ARL6IP5: variants seen among roughly 807,000 people sequenced by gnomAD.
The protein encoded by ARL6IP5 is ARF like GTPase 6 interacting protein 5.
A neutral mutation model predicts 13.0 loss-of-function variants in ARL6IP5; 6 were observed. The ratio of observed to expected loss-of-function variants is 0.46; its 90% CI spans 0.25 to 0.91. The LOEUF (loss-of-function observed/expected upper bound fraction) is 0.91. ARL6IP5 is among the 40% of genes least tolerant of loss of function. ARL6IP5 has a pLI of 0.17. For synonymous variants in ARL6IP5, 91 were observed against 91.9 expected (o/e 0.99, Z 0.06); for missense variants, 208 against 248.8 (o/e 0.84, Z 1.10).
intron 2 of ARL6IP5, among the ~76,000 whole-genome samples, chr3:69,104,209 G>A (rs539318223): frequency 1.3e-5 from 2 of 152,306 alleles, no homozygotes; most frequent in South Asian, 4.1e-4. Flanking sequence ...AGGAAAGGGT[G>A]TGGCTTCCAG....
intron 2 of ARL6IP5, among the ~76,000 whole-genome samples, chr3:69,102,910 A>G (rs1324448813): frequency 6.6e-6 from 1 of 152,222 alleles, no homozygotes; most frequent in Non-Finnish European, 1.5e-5. Flanking sequence ...CTAAGACTCC[A>G]AACACTTGAA....
At chr3:69,093,309 T>C (rs541967384) in intron 1 of ARL6IP5, among the ~76,000 whole-genome samples, 4 of 152,156 alleles carry the variant, frequency 2.6e-5, no homozygotes, top group Non-Finnish European at 4.4e-5. Context: ...ATACAATAAA[T>C]CCTCTAGGCC....
chr3:69,097,339 GT>G lies in ARL6IP5; in HGVS notation c.177-4485del, dbSNP rs201515218. Among the ~76,000 whole-genome samples the G allele has an allele frequency of 2.6e-3, 348 of 133,550 alleles. 1 individual carries two copies. The highest frequency in any genetic ancestry group is 4.9e-3 in the African/African-American group (181 of 36,578). The allele number at this position is 133,550 out of a possible 152,430, so 87.6% of individuals were successfully genotyped here. On this transcript the variant is annotated intron_variant, in intron 1 of 2. Coordinates refer to ENST00000273258, the MANE Select transcript of ARL6IP5 (RefSeq NM_006407.4). The stretch of plus-strand genomic sequence containing the variant: ...CACACCTGGCTAATTTTTGTGGGGT[GT>G]TTTTTTTTTTTTTTGGAGAGATGGG...
intron 1 of ARL6IP5, among the ~76,000 whole-genome samples, chr3:69,097,648 C>T (rs547247900): frequency 3.9e-5 from 6 of 152,170 alleles, no homozygotes; most frequent in East Asian, 1.9e-4. Flanking sequence ...AGACCAATTC[C>T]GGGGTTGTCT....
At chr3:69,090,549 TA>T (rs2092262109) in intron 1 of ARL6IP5, among the ~76,000 whole-genome samples, 1 of 152,188 alleles carries the variant, frequency 6.6e-6, no homozygotes, top group Non-Finnish European at 1.5e-5. Flanking sequence ...CCCTGTACAT[TA>T]TTACTCCAAA....
chr3:69,098,534 C>T (rs956578960), intron 1 of ARL6IP5, among the ~76,000 whole-genome samples: 1 of 152,046 alleles, frequency 6.6e-6, no homozygotes, highest in African/African-American at 2.4e-5. Context: ...CATGAGCCAC[C>T]ATGCCCAGCC....
At chr3:69,099,657 C>T (rs2092299562) in intron 1 of ARL6IP5, among the ~76,000 whole-genome samples, 1 of 152,160 alleles carries the variant, frequency 6.6e-6, no homozygotes, top group South Asian at 2.1e-4. Flanking sequence ...TCATCTCTTC[C>T]ATTTCAGAGA....
At chr3:69,094,891 T>TC (rs905253769) in intron 1 of ARL6IP5, among the ~76,000 whole-genome samples, 2 of 151,800 alleles carry the variant, frequency 1.3e-5, no homozygotes, top group African/African-American at 2.4e-5. Context: ...TGAGATTTTT[T>TC]TTTCCCCTTT....
intron 2 of ARL6IP5, among the ~76,000 whole-genome samples, chr3:69,103,563 G>A (rs1252275483): frequency 1.3e-5 from 2 of 152,306 alleles, no homozygotes; most frequent in East Asian, 3.9e-4. Context: ...TCTAACGGGT[G>A]GTCTAGGTTG....
chr3:69,101,853 T>A lies in ARL6IP5; in HGVS notation c.191T>A (p.Phe64Tyr). 1.2e-6 allele frequency: 2 copies of A among 1,613,626 alleles called. No homozygotes were observed. The highest frequency in any genetic ancestry group is 2.2e-5 in the South Asian group (2 of 90,996). ...TCATATTTCAGGTTTCTGAGTCCCT[T>A]CAACATGATCCTGGGAGGAATCGTG... ...MISIVGFLSP[F>Y]NMILGGIVVV... Residue 64 changes from phenylalanine (F) to tyrosine (Y), a missense_variant, in exon 2 of 3, where the codon TTC becomes TAC. Transcript: ENST00000273258.
At chr3:69,096,450 A>C (rs1265056546) in intron 1 of ARL6IP5, among the ~76,000 whole-genome samples, 1 of 152,188 alleles carries the variant, frequency 6.6e-6, no homozygotes, top group East Asian at 1.9e-4. Context: ...TATTTTAATA[A>C]GTATTCCAGA....
intron 2 of ARL6IP5, among the ~76,000 whole-genome samples, chr3:69,102,569 A>C (rs78227829): frequency 1.3e-3 from 196 of 152,304 alleles, no homozygotes; most frequent in African/African-American, 4.5e-3. Context: ...TGTGTGCCAT[A>C]CATTCTTATG....
chr3:69,095,845 A>G (rs2092285267), intron 1 of ARL6IP5, among the ~76,000 whole-genome samples: 1 of 152,166 alleles, frequency 6.6e-6, no homozygotes, highest in African/African-American at 2.4e-5. Context: ...CCAGCAGACC[A>G]CAGAGGCAGC....
intron 1 of ARL6IP5, among the ~76,000 whole-genome samples, chr3:69,096,614 T>C (rs1253038701): frequency 4.2e-5 from 6 of 142,664 alleles, no homozygotes; most frequent in Admixed American, 3.5e-4. Context: ...TTTTTTTTTT[T>C]TTTTTTTGAG....
intron 1 of ARL6IP5, among the ~76,000 whole-genome samples, chr3:69,092,204 C>A (rs1266573516): frequency 6.6e-6 from 1 of 152,210 alleles, no homozygotes; most frequent in Non-Finnish European, 1.5e-5. Flanking sequence ...GATTTCCTGG[C>A]CTTCCTTCTC....
intron 1 of ARL6IP5, 107 bp downstream of exon 1, chr3:69,085,330 C>T: frequency 7.2e-7 from 1 of 1,380,642 alleles, no homozygotes; most frequent in Non-Finnish European, 9.7e-7. Flanking sequence ...CGCTCAGCGC[C>T]TGCCCTGGCA....
chr3:69,099,325 C>T (rs574399808), intron 1 of ARL6IP5, among the ~76,000 whole-genome samples: 128 of 152,142 alleles, frequency 8.4e-4, no homozygotes, highest in Non-Finnish European at 1.2e-3. Context: ...GAGCCGAGAT[C>T]GCGCCATTGT....
At chr3:69,091,191 C>T (rs1005069722) in intron 1 of ARL6IP5, among the ~76,000 whole-genome samples, 5 of 152,012 alleles carry the variant, frequency 3.3e-5, no homozygotes, top group African/African-American at 7.3e-5. Flanking sequence ...CAGAGTGAGA[C>T]GCCGTGTAAA....
intron 1 of ARL6IP5, among the ~76,000 whole-genome samples, chr3:69,099,739 T>C (rs1272662856): frequency 6.6e-6 from 1 of 152,174 alleles, no homozygotes; most frequent in East Asian, 1.9e-4. Flanking sequence ...GCAATGTTAC[T>C]ATTCAGGGCA....
Sources: allele counts gnomAD v4.1 joint callset (sites outside exome capture counted in the v4.1 genomes callset), GRCh38; gene constraint gnomAD v4.1.1; transcripts MANE v1.5; gene names NCBI Gene and HGNC (gene_info 2026-07-23, HGNC 2026-07-21).